Variants in PIGM observed in about 807,000 individuals in gnomAD.
PIGM encodes the protein phosphatidylinositol glycan anchor biosynthesis class M.
PIGM carries 7 observed loss-of-function variants against 14.6 expected under a neutral mutation model. The observed-to-expected ratio is 0.48, with a 90% confidence interval of 0.27 to 0.90. PIGM has a LOEUF of 0.90. PIGM is among the 40% of genes least tolerant of loss of function. The pLI, the probability that PIGM is intolerant of heterozygous loss-of-function variation, is 0.12. For missense variants in PIGM, 506 were observed against 516.2 expected, an observed-to-expected ratio of 0.98 and a Z score of 0.19; for synonymous variants, 216 against 215.9, an observed-to-expected ratio of 1.00 and a Z score of 0.00.
chr1:160,028,550 A>C lies in PIGM; in HGVS notation c.*1918T>G, dbSNP rs966249862. On this transcript the variant is annotated 3_prime_UTR_variant, in exon 1 of 1. Coordinates refer to ENST00000368090, the MANE Select transcript of PIGM (RefSeq NM_145167.3). Reference sequence around the variant, plus strand: ...AGGTATCCATCCAAGAAGTGCTGCCAATAATAACATTGTTAATTGTGACCA... The same window carrying C: ...AGGTATCCATCCAAGAAGTGCTGCCCATAATAACATTGTTAATTGTGACCA... 6.6e-6 allele frequency: 1 copy of C among 152,230 alleles called. No homozygotes were observed. Among genetic ancestry groups the C allele is most frequent in the African/African-American group, 2.4e-5 (1 of 41,456 alleles). 9.4% of individuals were successfully genotyped at this position (152,230 alleles called of 1,614,324 possible).
In PIGM at chr1:160,031,911, A is replaced by C; in HGVS notation, c.-172T>G. On this transcript the variant is annotated 5_prime_UTR_variant, in exon 1 of 1. Coordinates refer to ENST00000368090, the MANE Select transcript of PIGM (RefSeq NM_145167.3). ...CATGAAGCCCCGCCCCCGTACTGCTACCTGTCTCCAGCCCCGCGCGGTCTT... is the reference window on the plus strand; with the variant it reads ...CATGAAGCCCCGCCCCCGTACTGCTCCCTGTCTCCAGCCCCGCGCGGTCTT... The C allele has an allele frequency of 1.2e-6, 1 of 855,154 alleles. No individual in the cohort carries two copies. Among genetic ancestry groups the C allele is most frequent in the Non-Finnish European group, 1.9e-6 (1 of 517,280 alleles). The allele number at this position is 855,154 out of a possible 1,614,324, so 53.0% of individuals were successfully genotyped here. A position where few individuals can be genotyped will look rare whatever the true frequency, so the allele number is the denominator to read the frequency against.
Position 160,031,850 on chromosome 1 carries a change from C to T in PIGM, c.-111G>A. On this transcript the variant is annotated 5_prime_UTR_variant, in exon 1 of 1. Transcript: ENST00000368090. Reference sequence around the variant, plus strand: ...GCCGCCGCATCTCCCACCCGCCAGGCTGCCAACCGAAACGACTGCAGACTA... The same window carrying T: ...GCCGCCGCATCTCCCACCCGCCAGGTTGCCAACCGAAACGACTGCAGACTA... 7.7e-7 allele frequency: 1 copy of T among 1,305,442 alleles called. No homozygotes were observed. The highest frequency in any genetic ancestry group is 1.1e-6 in the Non-Finnish European group (1 of 915,836). 80.9% of individuals were successfully genotyped at this position (1,305,442 alleles called of 1,614,324 possible). A position where few individuals can be genotyped will look rare whatever the true frequency, so the allele number is the denominator to read the frequency against.
In PIGM at chr1:160,027,336, A is replaced by T. The variant is rs1648205223; in HGVS notation, c.*3132T>A. 6.6e-6 allele frequency: 1 copy of T among 152,236 alleles called. No homozygotes were observed. Among genetic ancestry groups the T allele is most frequent in the African/African-American group, 2.4e-5 (1 of 41,456 alleles). The allele number at this position is 152,236 out of a possible 1,614,324, so 9.4% of individuals were successfully genotyped here. A position where few individuals can be genotyped will look rare whatever the true frequency, so the allele number is the denominator to read the frequency against. On this transcript the variant is annotated 3_prime_UTR_variant, in exon 1 of 1. Transcript: ENST00000368090. ...ACAAGTTCTACACAACTTCTGAAAC[A>T]TCTTGTAAGAGTCCAGATGGTGAGA...
rs925072784 is a variant in PIGM, at chr1:160,031,816, C to A, written c.-77G>T. On this transcript the variant is annotated 5_prime_UTR_variant, in exon 1 of 1. Transcript: ENST00000368090. ...TTCTAACCTTCCCTTCGGTTCTTTG[C>A]AGCAGGTGGCCGCCGCATCTCCCAC... 1.0e-5 allele frequency: 16 copies of A among 1,564,802 alleles called. No homozygotes were observed. In the East Asian group the frequency reaches 3.0e-4, roughly 29 times the overall value.
At position 160,029,340 on chromosome 1, in the gene PIGM, T is replaced by G. The variant is rs1180112772; in HGVS notation, c.*1128A>C. On this transcript the variant is annotated 3_prime_UTR_variant, in exon 1 of 1. Coordinates refer to ENST00000368090, the MANE Select transcript of PIGM (RefSeq NM_145167.3). ...CCACTGGGACTAAGTGCTATAAAAG[T>G]AAGTAATAAAACAAATACATGAAAC... 6.6e-6 allele frequency: 1 copy of G among 151,664 alleles called. No individual in the cohort carries two copies. The highest frequency in any genetic ancestry group is 1.5e-5 in the Non-Finnish European group (1 of 67,896). 9.4% of individuals were successfully genotyped at this position (151,664 alleles called of 1,614,324 possible). A position where few individuals can be genotyped will look rare whatever the true frequency, so the allele number is the denominator to read the frequency against.
chr1:160,031,829 C>T lies in PIGM; in HGVS notation c.-90G>A, dbSNP rs548692880. On this transcript the variant is annotated 5_prime_UTR_variant, in exon 1 of 1. Transcript: ENST00000368090. ...TTCGGTTCTTTGCAGCAGGTGGCCG[C>T]CGCATCTCCCACCCGCCAGGCTGCC... The T allele has an allele frequency of 6.0e-5, 89 of 1,478,266 alleles. No individual in the cohort carries two copies. In the African/African-American group the frequency reaches 1.2e-3, roughly 20 times the overall value. The allele number at this position is 1,478,266 out of a possible 1,614,324, so 91.6% of individuals were successfully genotyped here.
chr1:160,026,935 T>C lies in PIGM; in HGVS notation c.*3533A>G, dbSNP rs536614106. On this transcript the variant is annotated 3_prime_UTR_variant, in exon 1 of 1. Coordinates refer to ENST00000368090, the MANE Select transcript of PIGM (RefSeq NM_145167.3). ...ACAATCATAGTTCACTATAACCTCC[T>C]CGAATTCCTGGGCTCAAGTGGTCCT... 83 of 152,288 alleles carry C rather than the reference T, an allele frequency of 5.5e-4. 1 individual carries two copies. The highest frequency in any genetic ancestry group is 2.0e-3 in the African/African-American group (82 of 41,554). 9.4% of individuals were successfully genotyped at this position (152,288 alleles called of 1,614,324 possible).
rs1263677983 is a variant in PIGM at position 160,031,036 on chromosome 1, C to A, written c.704G>T (p.Gly235Val). ...RAVLLFVAVA[G>V]LTFFALSFGF... ...AAAGCTCAGGGCAAAAAACGTGAGT[C>A]CAGCAACTGCTACAAACAGCAGCAC... Residue 235 changes from glycine to valine, a missense_variant, in exon 1 of 1, where the codon GGA (glycine) becomes GTA (valine). Coordinates refer to ENST00000368090, the MANE Select transcript of PIGM (RefSeq NM_145167.3). The A allele has an allele frequency of 1.2e-5, 19 of 1,614,172 alleles. No individual in the cohort carries two copies. The highest frequency in any genetic ancestry group is 1.6e-5 in the Non-Finnish European group (19 of 1,180,042).
Position 160,030,390 on chromosome 1 carries a change from A to G in PIGM, c.*78T>C. On this transcript the variant is annotated 3_prime_UTR_variant, in exon 1 of 1. Transcript: ENST00000368090. ...ACTAGAATGCTTAGAATGTTCAGAA[A>G]AAATGTCCCAAAGCTCTCTTCTGGT... The G allele has an allele frequency of 2.8e-6, 4 of 1,450,690 alleles. No individual in the cohort carries two copies. The highest frequency in any genetic ancestry group is 3.9e-6 in the Non-Finnish European group (4 of 1,034,500). 89.9% of individuals were successfully genotyped at this position (1,450,690 alleles called of 1,614,324 possible). A position where few individuals can be genotyped will look rare whatever the true frequency, so the allele number is the denominator to read the frequency against.
chr1:160,030,370 A>G lies in PIGM; in HGVS notation c.*98T>C, dbSNP rs1378887213. On this transcript the variant is annotated 3_prime_UTR_variant, in exon 1 of 1. Coordinates refer to ENST00000368090, the MANE Select transcript of PIGM (RefSeq NM_145167.3). Reference sequence around the variant, plus strand: ...GTTGGAACATGGGAACTTTCACTAGAATGCTTAGAATGTTCAGAAAAAATG... The same window carrying G: ...GTTGGAACATGGGAACTTTCACTAGGATGCTTAGAATGTTCAGAAAAAATG... The G allele has an allele frequency of 7.8e-7, 1 of 1,275,528 alleles. No individual in the cohort carries two copies. Among genetic ancestry groups the G allele is most frequent in the East Asian group, 2.3e-5 (1 of 43,132 alleles). The allele number at this position is 1,275,528 out of a possible 1,614,324, so 79.0% of individuals were successfully genotyped here.
chr1:160,029,793 T>G lies in PIGM; in HGVS notation c.*675A>C, dbSNP rs1648275883. 6.9e-6 allele frequency: 1 copy of G among 144,692 alleles called. No homozygotes were observed. Among genetic ancestry groups the G allele is most frequent in the Admixed American group, 6.9e-5 (1 of 14,500 alleles). The allele number at this position is 144,692 out of a possible 1,614,324, so 9.0% of individuals were successfully genotyped here. Reference sequence around the variant, plus strand: ...TGTCCTTTCCTTTTTTTTTTTTTTTTTTTTTTTGAGACAGGGTCTTGCTCT... The same window carrying G: ...TGTCCTTTCCTTTTTTTTTTTTTTTGTTTTTTTGAGACAGGGTCTTGCTCT... On this transcript the variant is annotated 3_prime_UTR_variant, in exon 1 of 1. Transcript: ENST00000368090.
chr1:160,031,826 C>T lies in PIGM; in HGVS notation c.-87G>A, dbSNP rs530577311. On this transcript the variant is annotated 5_prime_UTR_variant, in exon 1 of 1. Coordinates refer to ENST00000368090, the MANE Select transcript of PIGM (RefSeq NM_145167.3). Reference sequence around the variant, plus strand: ...CCCTTCGGTTCTTTGCAGCAGGTGGCCGCCGCATCTCCCACCCGCCAGGCT... The same window carrying T: ...CCCTTCGGTTCTTTGCAGCAGGTGGTCGCCGCATCTCCCACCCGCCAGGCT... The T allele has an allele frequency of 2.5e-4, 381 of 1,506,302 alleles. 1 individual carries two copies. The African/African-American group carries it at 3.4e-3, about 13-fold the overall frequency. 93.3% of individuals were successfully genotyped at this position (1,506,302 alleles called of 1,614,324 possible).
Position 160,030,333 on chromosome 1 carries a change from C to A in PIGM, c.*135G>T. 1.0e-6 allele frequency: 1 copy of A among 955,660 alleles called. No homozygotes were observed. Among genetic ancestry groups the A allele is most frequent in the Non-Finnish European group, 1.7e-6 (1 of 603,556 alleles). The allele number at this position is 955,660 out of a possible 1,614,324, so 59.2% of individuals were successfully genotyped here. ...CCTTTTATATATAAGGCAAACATTG[C>A]TTTTAAGTTCTGTTGGAACATGGGA... On this transcript the variant is annotated 3_prime_UTR_variant, in exon 1 of 1. Coordinates refer to ENST00000368090, the MANE Select transcript of PIGM (RefSeq NM_145167.3).
Position 160,031,248 on chromosome 1 carries a change from T to G in PIGM, c.492A>C (p.Arg164Ser). ...VLMVLYLIKK[R>S]LVACAAVFYG... ...AGAATACAGCTGCACACGCGACGAG[T>G]CTTTTCTTTATCAAGTAGAGGACCA... Residue 164 changes from arginine to serine, a missense_variant, in exon 1 of 1, where the codon AGA becomes AGC. By Grantham distance (110) the Arg-to-Ser change is moderately radical (BLOSUM62 -1). Coordinates refer to ENST00000368090, the MANE Select transcript of PIGM (RefSeq NM_145167.3). 1 of 1,613,706 alleles carries G rather than the reference T, an allele frequency of 6.2e-7. No homozygotes were observed. Among genetic ancestry groups the G allele is most frequent in the Non-Finnish European group, 8.5e-7 (1 of 1,179,928 alleles).
chr1:160,028,543 T>A lies in PIGM; in HGVS notation c.*1925A>T, dbSNP rs1168748182. ...TCCCAAAAGGTATCCATCCAAGAAG[T>A]GCTGCCAATAATAACATTGTTAATT... is the stretch of plus-strand genomic sequence containing the variant. On this transcript the variant is annotated 3_prime_UTR_variant, in exon 1 of 1. Coordinates refer to ENST00000368090, the MANE Select transcript of PIGM (RefSeq NM_145167.3). The A allele has an allele frequency of 6.6e-6, 1 of 152,210 alleles. No homozygotes were observed. The highest frequency in any genetic ancestry group is 1.5e-5 in the Non-Finnish European group (1 of 68,024). The allele number at this position is 152,210 out of a possible 1,614,324, so 9.4% of individuals were successfully genotyped here.
rs1648200052 is a variant in PIGM, at chr1:160,027,009, TCTCA to T, written c.*3455_*3458del. 1.3e-5 allele frequency: 2 copies of T among 151,198 alleles called. No homozygotes were observed. Among genetic ancestry groups the T allele is most frequent in the Admixed American group, 1.3e-4 (2 of 15,178 alleles). 9.4% of individuals were successfully genotyped at this position (151,198 alleles called of 1,614,324 possible). A position where few individuals can be genotyped will look rare whatever the true frequency, so the allele number is the denominator to read the frequency against. Reference sequence around the variant, plus strand: ...ACTTTTTTTTTTGTACAGATGGGGGTCTCACTATGTTGTCCAGGCTGGTCTCAAA... The same window carrying T: ...ACTTTTTTTTTTGTACAGATGGGGGTCTATGTTGTCCAGGCTGGTCTCAAA... On this transcript the variant is annotated 3_prime_UTR_variant, in exon 1 of 1. Transcript: ENST00000368090.
Position 160,031,776 on chromosome 1 carries a change from A to G in PIGM, c.-37T>C, listed in dbSNP as rs781001131. The G allele has an allele frequency of 6.2e-7, 1 of 1,612,778 alleles. No homozygotes were observed. The highest frequency in any genetic ancestry group is 8.5e-7 in the Non-Finnish European group (1 of 1,179,336). On this transcript the variant is annotated 5_prime_UTR_variant, in exon 1 of 1. Transcript: ENST00000368090. ...GCGACAGCTGCTTAGCCCCAGCTCC[A>G]AACTGCCTTCGTACTTCTAACCTTC... is the stretch of plus-strand genomic sequence containing the variant.
chr1:160,031,961 G>T lies in PIGM; in HGVS notation c.-222C>A, dbSNP rs1015298880. The T allele has an allele frequency of 2.1e-5, 14 of 652,450 alleles. No homozygotes were observed. Among genetic ancestry groups the T allele is most frequent in the Non-Finnish European group, 3.9e-5 (14 of 354,470 alleles). 40.4% of individuals were successfully genotyped at this position (652,450 alleles called of 1,614,324 possible). A position where few individuals can be genotyped will look rare whatever the true frequency, so the allele number is the denominator to read the frequency against. ...TCTCAGCCGCCCGAGCCAAAAACTT[G>T]CCTTCCTCTGGATGGACGGTCTCGC... On this transcript the variant is annotated 5_prime_UTR_variant, in exon 1 of 1. Coordinates refer to ENST00000368090, the MANE Select transcript of PIGM (RefSeq NM_145167.3).
In PIGM at chr1:160,025,565, G is replaced by A. The variant is rs1370578262; in HGVS notation, c.*4903C>T. The A allele has an allele frequency of 6.6e-6, 1 of 152,252 alleles. No homozygotes were observed. The highest frequency in any genetic ancestry group is 2.4e-5 in the African/African-American group (1 of 41,460). 9.4% of individuals were successfully genotyped at this position (152,252 alleles called of 1,614,324 possible). On this transcript the variant is annotated 3_prime_UTR_variant, in exon 1 of 1. Transcript: ENST00000368090. ...AAATTACACAATTTGGTGAGAGAGGGTTTGGAGGTGGAGGGGAGTTGTTAA... is the reference window on the plus strand; with the variant it reads ...AAATTACACAATTTGGTGAGAGAGGATTTGGAGGTGGAGGGGAGTTGTTAA...
Sources: allele counts gnomAD v4.1 joint callset, GRCh38; gene constraint gnomAD v4.1.1; transcripts MANE v1.5; gene names NCBI Gene and HGNC (gene_info 2026-07-23, HGNC 2026-07-21).